DPP9: variants seen among roughly 807,000 people sequenced by gnomAD.
DPP9 encodes the protein dipeptidyl peptidase IV-related protein-2.
A neutral mutation model predicts 110.7 loss-of-function variants in DPP9; 50 were observed. That is an observed-to-expected ratio of 0.45 (90% CI 0.36 to 0.57). DPP9 has a LOEUF of 0.57. DPP9 is among the 20% of genes least tolerant of loss of function. The pLI is 0.00. For synonymous variants in DPP9, 561 were observed against 514.4 expected, an observed-to-expected ratio of 1.09 and a Z score of -1.23; for missense variants, 1,022 against 1,217.9, an observed-to-expected ratio of 0.84 and a Z score of 2.39.
At chr19:4,722,620 C>G (rs758717276) in intron 1 of DPP9, 69 bp from the exon 2 acceptor site, 228 of 700,106 alleles carry the variant, frequency 3.3e-4, no homozygotes, top group Middle Eastern at 6.9e-4. Context: ...TCAGCCTCCC[C>G]CACTCAGGAG....
rs762451410 is a variant in DPP9, at chr19:4,679,931, A to G, written c.2490T>C (p.Leu830=). 1 of 1,612,814 alleles carries G rather than the reference A, an allele frequency of 6.2e-7. No individual in the cohort carries two copies. The highest frequency in any genetic ancestry group is 8.5e-7 in the Non-Finnish European group (1 of 1,179,558). The change falls in exon 21 of 22, where the codon CTT becomes CTC. Residue 830 remains leucine, a synonymous_variant. Coordinates refer to ENST00000262960, the MANE Select transcript of DPP9 (RefSeq NM_139159.5). ...EKLPNEPNRL[L]ILHGFLDENV... ...TTTCGTCCAGGAAGCCGTGGAGGATAAGCAAGCGGTTGGGCCTGGAAAACA... is the reference window on the plus strand; with the variant it reads ...TTTCGTCCAGGAAGCCGTGGAGGATGAGCAAGCGGTTGGGCCTGGAAAACA...
At chr19:4,681,768 T>C (rs905704599) in intron 20 of DPP9, among the ~76,000 whole-genome samples, 3 of 151,696 alleles carry the variant, frequency 2.0e-5, no homozygotes, top group African/African-American at 4.8e-5. Context: ...GGTTTCACCA[T>C]GTTGGCCAGG....
chr19:4,714,480 G>T, intron 3 of DPP9, 143 bp from the exon 4 acceptor site: 2 of 1,103,634 alleles, frequency 1.8e-6, no homozygotes, highest in Non-Finnish European at 2.5e-6. Context: ...CACTTCTTGG[G>T]TTGGTCTACC....
chr19:4,680,331 G>C (rs1179687640), intron 20 of DPP9, among the ~76,000 whole-genome samples: 2 of 151,908 alleles, frequency 1.3e-5, no homozygotes, highest in Admixed American at 1.3e-4. Flanking sequence ...CTTGAGCCCA[G>C]GAGGTGGAGG....
At chr19:4,699,787 G>A (rs866755217) in intron 10 of DPP9, among the ~76,000 whole-genome samples, 1 of 152,180 alleles carries the variant, frequency 6.6e-6, no homozygotes, top group African/African-American at 2.4e-5. Flanking sequence ...TGCCTGAAAC[G>A]CTGGAGGAAA....
Position 4,700,280 on chromosome 19 carries a change from G to A in DPP9, c.1013-3C>T, listed in dbSNP as rs1379504964. 6.3e-7 allele frequency: 1 copy of A among 1,595,048 alleles called. No homozygotes were observed. The highest frequency in any genetic ancestry group is 8.6e-7 in the Non-Finnish European group (1 of 1,168,370). On this transcript the variant is annotated splice_region_variant and splice_polypyrimidine_tract_variant and intron_variant, in intron 9 of 21. Transcript: ENST00000262960. This position sits in a 1 kb window ranked among gnomAD's most constrained non-coding sequence, Gnocchi z 4.3. ...GGCAATCTTGGGATTCTTGCTGCCTGCAAAAACCGAAGTGAGGTGAACACC... is the reference window on the plus strand; with the variant it reads ...GGCAATCTTGGGATTCTTGCTGCCTACAAAAACCGAAGTGAGGTGAACACC...
In DPP9 at chr19:4,688,861, C is replaced by T; in HGVS notation, c.1781G>A (p.Ser594Asn). ...GTGCACGCAGGGCGGCGTGCTCACG[C>T]TGCTGTAGTGGCTGACGAACATGTC... ...NFDMFVSHYS[S>N]VSTPPCVHVY... Residue 594 changes from serine (S) to asparagine (N), a missense_variant, in exon 16 of 22, where the codon AGC (serine) becomes AAC (asparagine). Ser to Asn is a conservative substitution (Grantham distance 46, BLOSUM62 1). This residue lies in a region of DPP9 where 810 missense variants were observed against 920.6 expected (regional missense o/e 0.88). Coordinates refer to ENST00000262960, the MANE Select transcript of DPP9 (RefSeq NM_139159.5). The T allele has an allele frequency of 6.6e-7, 1 of 1,521,324 alleles. No individual in the cohort carries two copies. Among genetic ancestry groups the T allele is most frequent in the Non-Finnish European group, 8.7e-7 (1 of 1,148,294 alleles). 94.2% of individuals were successfully genotyped at this position (1,521,324 alleles called of 1,614,324 possible).
At chr19:4,680,725 G>A (rs1232524687) in intron 20 of DPP9, among the ~76,000 whole-genome samples, 1 of 151,446 alleles carries the variant, frequency 6.6e-6, no homozygotes, top group Non-Finnish European at 1.5e-5. Context: ...GGGAGGCCAA[G>A]GCAGGTGGAT....
chr19:4,689,763 C>A lies in DPP9; in HGVS notation c.1597-41G>T. The A allele has an allele frequency of 7.2e-6, 11 of 1,520,952 alleles. No homozygotes were observed. The highest frequency in any genetic ancestry group is 3.7e-5 in the South Asian group (3 of 81,098). The allele number at this position is 1,520,952 out of a possible 1,614,324, so 94.2% of individuals were successfully genotyped here. ...GGATCCTCGTGATGCGTCCCAGATG[C>A]CCCTGGGCCCACACCCCTCTCCACG... On this transcript the variant is annotated intron_variant, in intron 14 of 21. Coordinates refer to ENST00000262960, the MANE Select transcript of DPP9 (RefSeq NM_139159.5). The surrounding 1 kb of genome is among the most constrained non-coding windows in gnomAD (Gnocchi z 7.0).
intron 4 of DPP9, 122 bp from the exon 5 acceptor site, chr19:4,706,092 C>T (rs1380710162): frequency 1.8e-5 from 14 of 760,868 alleles, no homozygotes; most frequent in South Asian, 7.3e-5. Context: ...AGGCCGCCGG[C>T]GGGACAGCCC....
rs371321033 is a variant in DPP9 at position 4,689,631 on chromosome 19, G to T, written c.1688C>A (p.Ala563Glu). The change falls in exon 15 of 22, where the codon GCG (alanine) becomes GAG (glutamate). Residue 563 changes from alanine to glutamate, a missense_variant. This residue lies in a region of DPP9 where 810 missense variants were observed against 920.6 expected (regional missense o/e 0.88). Transcript: ENST00000262960. The surrounding 1 kb of genome is among the most constrained non-coding windows in gnomAD (Gnocchi z 7.0). ...GGTGAGGCGTACGATCTCGCCGGCC[G>T]CCTCATAGCTGACCACGTAGAGGTG... ...EHHLYVVSYE[A>E]AGEIVRLTTP... is the part of the protein sequence containing the mutation. The T allele has an allele frequency of 2.5e-6, 4 of 1,570,698 alleles. No homozygotes were observed. In the African/African-American group the frequency reaches 5.4e-5, roughly 21 times the overall value.
Position 4,697,537 on chromosome 19 carries a change from C to T in DPP9, c.1175+14G>A. 6.2e-7 allele frequency: 1 copy of T among 1,609,802 alleles called. No individual in the cohort carries two copies. The highest frequency in any genetic ancestry group is 2.2e-5 in the East Asian group (1 of 44,808). ...TGCAGGTGAATTCCTTGGGTTCCAG[C>T]CAGAGACACTCACTATTTGCCATCC... On this transcript the variant is annotated intron_variant, in intron 11 of 21. Transcript: ENST00000262960.
rs905596047 is a variant in DPP9, at chr19:4,690,917, G to T, written c.1557C>A (p.Thr519=). Residue 519 remains threonine (T), a synonymous_variant, in exon 14 of 22, where the codon ACC becomes ACA. Coordinates refer to ENST00000262960, the MANE Select transcript of DPP9 (RefSeq NM_139159.5). ...TCGCCAAAACCTCCCATTCACCGCT[G>T]GTCAGAGCAATCTCTTCCTTAATGG... ...KCPIKEEIAL[T]SGEWEVLARH... 1 of 1,613,350 alleles carries T rather than the reference G, an allele frequency of 6.2e-7. No homozygotes were observed. Among genetic ancestry groups the T allele is most frequent in the Non-Finnish European group, 8.5e-7 (1 of 1,179,680 alleles).
At chr19:4,688,219 C>G (rs938917152) in intron 16 of DPP9, 1 of 152,458 alleles carries the variant, frequency 6.6e-6, no homozygotes, top group African/African-American at 2.4e-5. Flanking sequence ...AATGATCCCC[C>G]CCATCTCAGT....
At chr19:4,708,644 A>G (rs575926096) in intron 4 of DPP9, among the ~76,000 whole-genome samples, 28 of 152,358 alleles carry the variant, frequency 1.8e-4, no homozygotes, top group Admixed American at 1.2e-3. Context: ...AGGGACATAG[A>G]TGGAGCAGGA....
rs1025656144 is a variant in DPP9, at chr19:4,687,404, A to G, written c.1885+1353T>C. Among the ~76,000 whole-genome samples the G allele has an allele frequency of 2.0e-5, 3 of 152,178 alleles. No individual in the cohort carries two copies. Among genetic ancestry groups the G allele is most frequent in the Non-Finnish European group, 2.9e-5 (2 of 68,030 alleles). ...CTGGTTTTCATCCCACACTCTGTAT[A>G]TACAGTTTCGTTGATAAAGAAACAC... On this transcript the variant is annotated intron_variant, in intron 16 of 21. Transcript: ENST00000262960. This position sits in a 1 kb window ranked among gnomAD's most constrained non-coding sequence, Gnocchi z 4.7.
chr19:4,696,414 G>T (rs894272886), intron 11 of DPP9, among the ~76,000 whole-genome samples: 6 of 148,428 alleles, frequency 4.0e-5, no homozygotes, highest in Admixed American at 2.0e-4. Context: ...GAGCCCAGAA[G>T]TTCAAGACCT....
chr19:4,692,926 G>A (rs1030844123), intron 13 of DPP9, among the ~76,000 whole-genome samples: 6 of 152,104 alleles, frequency 3.9e-5, no homozygotes, highest in South Asian at 2.1e-4. Flanking sequence ...CTGTCACCCC[G>A]CCGGTCCGCA....
At chr19:4,719,538 C>G in intron 3 of DPP9, 1 of 436,282 alleles carries the variant, frequency 2.3e-6, no homozygotes, top group East Asian at 4.4e-5. Context: ...CTGGAGACAT[C>G]TGTGGTTGTC....
Sources: allele counts gnomAD v4.1 joint callset (sites outside exome capture counted in the v4.1 genomes callset), GRCh38; gene constraint gnomAD v4.1.1; regional missense constraint gnomAD v4.1.1; non-coding constraint Gnocchi (gnomAD v3.1); transcripts MANE v1.5; gene names NCBI Gene and HGNC (gene_info 2026-07-23, HGNC 2026-07-21).